ERBB4: variants seen among roughly 807,000 people sequenced by gnomAD.
ERBB4 encodes erb-b2 receptor tyrosine kinase 4.
In ERBB4, 42 loss-of-function variants were observed where a neutral mutation model predicts 158.0. The ratio of observed to expected loss-of-function variants is 0.27; its 90% CI spans 0.21 to 0.34. ERBB4 has a LOEUF of 0.34. Ranked by LOEUF, ERBB4 falls within the 10% of genes least tolerant of loss-of-function variation. ERBB4 has a pLI of 1.00. For missense variants in ERBB4, 1,333 were observed against 1,624.1 expected (o/e 0.82, Z 3.08); for synonymous variants, 583 against 558.7 (o/e 1.04, Z -0.61).
intron 2 of ERBB4, among the ~76,000 whole-genome samples, chr2:212,051,026 C>T (rs1339328487): frequency 6.6e-6 from 1 of 152,122 alleles, no homozygotes; most frequent in East Asian, 1.9e-4. Context: ...ATAGCAATCG[C>T]CTTCCAGAGA....
At position 211,885,649 on chromosome 2, in the gene ERBB4, G is replaced by A. The variant is rs151272743; in HGVS notation, c.421+61781C>T. 3.9e-3 allele frequency among the ~76,000 whole-genome samples: 596 copies of A among 152,042 alleles called. 10 individuals carry two copies. The highest frequency in any genetic ancestry group is 0.027 in the Middle Eastern group (8 of 294). Reference sequence around the variant, plus strand: ...AATTTTCTGTACTTTTAGTAGAGACGCGGTTTCACCAGGTTGTCCAGGCTG... The same window carrying A: ...AATTTTCTGTACTTTTAGTAGAGACACGGTTTCACCAGGTTGTCCAGGCTG... On this transcript the variant is annotated intron_variant, in intron 3 of 27. Transcript: ENST00000342788.
intron 5 of ERBB4, among the ~76,000 whole-genome samples, chr2:211,738,760 G>A (rs535775820): frequency 1.0e-3 from 157 of 151,552 alleles, no homozygotes; most frequent in African/African-American, 3.4e-3. Flanking sequence ...TCTGCCTCCT[G>A]GGTTCAAGCG....
rs57567965 is a variant in ERBB4, at chr2:212,102,090, TTATATATA to T, written c.234+22654_234+22661del. Among the ~76,000 whole-genome samples, 7 of 107,978 alleles carry T rather than the reference TTATATATA, an allele frequency of 6.5e-5. 1 individual carries two copies. Among genetic ancestry groups the T allele is most frequent in the Non-Finnish European group, 1.0e-4 (5 of 48,456 alleles). The allele number at this position is 107,978 out of a possible 152,430, so 70.8% of individuals were successfully genotyped here. ...AAATCATATACGTTGAAAATTTATT[TTATATATA>T]TATATATATATATATGTCAGGTCAG... On this transcript the variant is annotated intron_variant, in intron 2 of 27. Coordinates refer to ENST00000342788, the MANE Select transcript of ERBB4 (RefSeq NM_005235.3).
intron 1 of ERBB4, among the ~76,000 whole-genome samples, chr2:212,202,393 G>A (rs1020096635): frequency 9.9e-5 from 15 of 152,104 alleles, no homozygotes; most frequent in African/African-American, 3.6e-4. Flanking sequence ...CTGTCTCCCA[G>A]GCTGGAATGA....
intron 3 of ERBB4, among the ~76,000 whole-genome samples, chr2:211,906,122 T>C (rs917285335): frequency 5.3e-5 from 8 of 152,010 alleles, no homozygotes; most frequent in African/African-American, 9.7e-5. Flanking sequence ...GTGTACAAAA[T>C]AGACTGTTGG....
chr2:211,424,096 A>C, intron 23 of ERBB4, 59 bp downstream of exon 23: 1 of 1,486,652 alleles, frequency 6.7e-7, no homozygotes, highest in Non-Finnish European at 9.4e-7. Flanking sequence ...AGATTGAGTA[A>C]TCTCTGCTAT....
intron 19 of ERBB4, among the ~76,000 whole-genome samples, chr2:211,615,251 T>C (rs1007546605): frequency 2.0e-5 from 3 of 151,920 alleles, no homozygotes; most frequent in Non-Finnish European, 4.4e-5. Context: ...TCTGATTTCA[T>C]GAGATAGTGG....
chr2:211,721,393 T>G (rs2074084407), intron 7 of ERBB4, among the ~76,000 whole-genome samples: 1 of 136,902 alleles, frequency 7.3e-6, no homozygotes, highest in Non-Finnish European at 1.5e-5. Context: ...GCATATATAG[T>G]GATTTTTTTC....
chr2:211,442,342 C>T lies in ERBB4; in HGVS notation c.2488-11242G>A, dbSNP rs534820267. Among the ~76,000 whole-genome samples, 13 of 152,194 alleles carry T rather than the reference C, an allele frequency of 8.5e-5. No homozygotes were observed. In the East Asian group the frequency reaches 2.5e-3, roughly 29 times the overall value. On this transcript the variant is annotated intron_variant, in intron 20 of 27. Transcript: ENST00000342788. ...CAACTCCTAAATAGATTGGGTCACT[C>T]TACAACATAGTGATAATGTCCAACT...
At chr2:212,185,738 T>C (rs1228480833) in intron 1 of ERBB4, among the ~76,000 whole-genome samples, 2 of 152,068 alleles carry the variant, frequency 1.3e-5, no homozygotes, top group East Asian at 1.9e-4. Flanking sequence ...GAGGACATAA[T>C]AGAATCTAAA....
chr2:212,028,961 C>A (rs1472492159), intron 2 of ERBB4, among the ~76,000 whole-genome samples: 1 of 152,018 alleles, frequency 6.6e-6, no homozygotes, highest in Non-Finnish European at 1.5e-5. Context: ...TGAGGACTAG[C>A]TAAAACAGGA....
chr2:212,254,085 CAT>C (rs1329499556), intron 1 of ERBB4, among the ~76,000 whole-genome samples: 2 of 151,940 alleles, frequency 1.3e-5, no homozygotes, highest in Non-Finnish European at 2.9e-5. Flanking sequence ...TTATGCCACA[CAT>C]GACTGTAAAA....
intron 20 of ERBB4, among the ~76,000 whole-genome samples, chr2:211,546,813 A>G (rs368586779): frequency 1.3e-5 from 2 of 152,168 alleles, no homozygotes; most frequent in African/African-American, 2.4e-5. Context: ...CTTAGTGTCC[A>G]GAATATTGTA....
chr2:212,343,103 T>C (rs1048851534), intron 1 of ERBB4, among the ~76,000 whole-genome samples: 3 of 152,226 alleles, frequency 2.0e-5, no homozygotes, highest in Non-Finnish European at 2.9e-5. Flanking sequence ...TTTTATTTCA[T>C]CAGCCTGGTC....
intron 3 of ERBB4, among the ~76,000 whole-genome samples, chr2:211,852,561 A>G (rs1164069966): frequency 6.6e-6 from 1 of 151,788 alleles, no homozygotes; most frequent in Non-Finnish European, 1.5e-5. Context: ...TTTGTTCAAC[A>G]TCATTCCCCT....
Position 211,461,119 on chromosome 2 carries a change from T to C in ERBB4, c.2488-30019A>G, listed in dbSNP as rs919203204. ...AAAATCCCTGCTTTTGATTAAATCA[T>C]CTTTATTCAAAGTTAGCTTAAAAAG... On this transcript the variant is annotated intron_variant, in intron 20 of 27. Coordinates refer to ENST00000342788, the MANE Select transcript of ERBB4 (RefSeq NM_005235.3). 3.9e-5 allele frequency among the ~76,000 whole-genome samples: 6 copies of C among 152,268 alleles called. No individual in the cohort carries two copies. In the South Asian group the frequency reaches 1.0e-3, roughly 26 times the overall value.
intron 25 of ERBB4, among the ~76,000 whole-genome samples, chr2:211,417,115 C>T (rs1412858453): frequency 6.6e-6 from 1 of 152,062 alleles, no homozygotes; most frequent in African/African-American, 2.4e-5. Context: ...AGTTAAATAG[C>T]TTCTCATTTT....
chr2:212,185,457 C>T (rs1382906552), intron 1 of ERBB4, among the ~76,000 whole-genome samples: 2 of 151,872 alleles, frequency 1.3e-5, no homozygotes, highest in East Asian at 1.9e-4. Context: ...TCAGAAATCA[C>T]GTGCAATTAA....
At chr2:211,741,824 T>C (rs1012299276) in intron 5 of ERBB4, among the ~76,000 whole-genome samples, 11 of 152,252 alleles carry the variant, frequency 7.2e-5, no homozygotes, top group African/African-American at 2.7e-4. Flanking sequence ...TTCTTTTAAA[T>C]CTTTGAGAAA....
Sources: gnomAD v4.1 joint callset for allele counts (sites outside exome capture counted in the v4.1 genomes callset) on GRCh38, gnomAD v4.1.1 for gene constraint, MANE v1.5 for transcripts, NCBI Gene and HGNC (gene_info 2026-07-23, HGNC 2026-07-21) for gene names.